Variants in PIK3AP1 observed in about 807,000 individuals in gnomAD.
PIK3AP1 encodes phosphoinositide-3-kinase adaptor protein 1.
PIK3AP1 carries 21 observed loss-of-function variants against 88.1 expected under a neutral mutation model. That is an observed-to-expected ratio of 0.24 (90% CI 0.17 to 0.34). PIK3AP1 has a LOEUF of 0.34. Among genes scored for constraint, PIK3AP1 ranks in the 10% least tolerant of loss-of-function variants. The pLI, the probability that PIK3AP1 is intolerant of heterozygous loss-of-function variation, is 1.00. For missense variants in PIK3AP1, 828 were observed against 1,035.7 expected, an observed-to-expected ratio of 0.80 and a Z score of 2.75; for synonymous variants, 398 against 400.0, an observed-to-expected ratio of 1.00 and a Z score of 0.06.
At chr10:96,597,357 T>TCCCTCC (rs201840563) in intron 16 of PIK3AP1, among the ~76,000 whole-genome samples, 168 of 6,150 alleles carry the variant, frequency 0.027, 3 homozygotes, top group Admixed American at 0.042. Flanking sequence ...CCTCCCTCCC[T>TCCCTCC]CTCTCTCTCT....
intron 4 of PIK3AP1, among the ~76,000 whole-genome samples, chr10:96,652,250 T>C (rs1489395839): frequency 1.3e-5 from 2 of 151,672 alleles, no homozygotes; most frequent in Admixed American, 6.6e-5. Context: ...ATCAAAGAAA[T>C]GCATATGAAA....
At chr10:96,717,332 C>A (rs543227565) in intron 1 of PIK3AP1, among the ~76,000 whole-genome samples, 1 of 151,856 alleles carries the variant, frequency 6.6e-6, no homozygotes, top group Non-Finnish European at 1.5e-5. Context: ...AACCACCCAG[C>A]CCAGACCATT....
At chr10:96,670,104 G>A (rs1843823149) in intron 2 of PIK3AP1, among the ~76,000 whole-genome samples, 1 of 149,454 alleles carries the variant, frequency 6.7e-6, no homozygotes. Flanking sequence ...GAACCTGGGA[G>A]GTGGAGGTTG....
chr10:96,713,872 A>C (rs1054638051), intron 1 of PIK3AP1, among the ~76,000 whole-genome samples: 21 of 152,212 alleles, frequency 1.4e-4, no homozygotes, highest in African/African-American at 4.8e-4. Flanking sequence ...CTTGCTGTTC[A>C]TTACAGACTC....
intron 16 of PIK3AP1, among the ~76,000 whole-genome samples, chr10:96,596,741 T>G (rs779190574): frequency 6.6e-6 from 1 of 152,168 alleles, no homozygotes; most frequent in Non-Finnish European, 1.5e-5. Context: ...GTGAGTCTAT[T>G]TACAGACAGG....
intron 2 of PIK3AP1, among the ~76,000 whole-genome samples, chr10:96,691,812 AT>A (rs1844158537): frequency 6.6e-6 from 1 of 152,242 alleles, no homozygotes; most frequent in Non-Finnish European, 1.5e-5. Flanking sequence ...TTATGGTAAC[AT>A]TGGGAAGGTA....
At chr10:96,662,722 T>C (rs1167480238) in intron 2 of PIK3AP1, among the ~76,000 whole-genome samples, 2 of 139,302 alleles carry the variant, frequency 1.4e-5, no homozygotes, top group African/African-American at 5.4e-5. Context: ...CTACTAAAAA[T>C]ACAAAAAAAA....
At chr10:96,599,910 C>T (rs969971853) in intron 16 of PIK3AP1, among the ~76,000 whole-genome samples, 2 of 152,186 alleles carry the variant, frequency 1.3e-5, no homozygotes, top group African/African-American at 2.4e-5. Context: ...TCTCTTTTTA[C>T]ACATTTACAT....
chr10:96,671,680 AT>A (rs1843849476), intron 2 of PIK3AP1, among the ~76,000 whole-genome samples: 1 of 152,156 alleles, frequency 6.6e-6, no homozygotes, highest in Admixed American at 6.5e-5. Context: ...CGTCATCATC[AT>A]CATCATCCTC....
chr10:96,700,823 CGA>C, intron 2 of PIK3AP1: 10 of 985,630 alleles, frequency 1.0e-5, no homozygotes, highest in Non-Finnish European at 1.1e-5. Flanking sequence ...GCCACGACAC[CGA>C]GCAGAGCGCA....
chr10:96,632,042 A>G (rs1843251324), intron 8 of PIK3AP1, among the ~76,000 whole-genome samples: 1 of 152,218 alleles, frequency 6.6e-6, no homozygotes, highest in Non-Finnish European at 1.5e-5. Context: ...CCAATTATAG[A>G]AAACATCAGA....
intron 2 of PIK3AP1, among the ~76,000 whole-genome samples, chr10:96,679,747 C>T (rs1843975401): frequency 6.6e-6 from 1 of 152,152 alleles, no homozygotes; most frequent in South Asian, 2.1e-4. Flanking sequence ...CAGGTTCTTC[C>T]CATTTCTCTA....
chr10:96,622,641 A>C (rs1186288281), intron 11 of PIK3AP1, among the ~76,000 whole-genome samples: 1 of 152,184 alleles, frequency 6.6e-6, no homozygotes, highest in African/African-American at 2.4e-5. Context: ...GGAGGAAAAA[A>C]CAAAATGCAC....
chr10:96,620,689 AG>A, intron 11 of PIK3AP1, 132 bp from the exon 12 acceptor site: 1 of 704,848 alleles, frequency 1.4e-6, no homozygotes, highest in Non-Finnish European at 2.4e-6. Context: ...GTGGCCAAGA[AG>A]GGGGAGATAC....
rs190106252 is a variant in PIK3AP1 at position 96,602,800 on chromosome 10, G to A, written c.2242-402C>T. On this transcript the variant is annotated intron_variant, in intron 15 of 16. Coordinates refer to ENST00000339364, the MANE Select transcript of PIK3AP1 (RefSeq NM_152309.3). ...GGTCCCTGGATCAAGCTAGACACAT[G>A]TCCCAAATTGGGCCAACTTGGAATG... Among the ~76,000 whole-genome samples the A allele has an allele frequency of 2.6e-3, 389 of 152,278 alleles. 1 individual carries two copies. Among genetic ancestry groups the A allele is most frequent in the Admixed American group, 3.5e-3 (54 of 15,302 alleles).
At chr10:96,702,400 G>A (rs1037371623) in intron 2 of PIK3AP1, among the ~76,000 whole-genome samples, 10 of 151,694 alleles carry the variant, frequency 6.6e-5, no homozygotes, top group Middle Eastern at 3.2e-3. Flanking sequence ...TCAGGAGGCT[G>A]AGGCAGGAGA....
intron 2 of PIK3AP1, chr10:96,700,825 A>C (rs1589546047): frequency 3.0e-6 from 3 of 985,442 alleles, no homozygotes; most frequent in Non-Finnish European, 1.2e-6. Flanking sequence ...CACGACACCG[A>C]GCAGAGCGCA....
chr10:96,668,003 A>G (rs1236350562), intron 2 of PIK3AP1, among the ~76,000 whole-genome samples: 1 of 152,184 alleles, frequency 6.6e-6, no homozygotes, highest in East Asian at 1.9e-4. Context: ...TGGTTTTTTC[A>G]TGTAGAGTGG....
intron 1 of PIK3AP1, among the ~76,000 whole-genome samples, chr10:96,713,435 C>T (rs1324109023): frequency 1.1e-4 from 16 of 140,810 alleles, no homozygotes; most frequent in Non-Finnish European, 2.0e-4. Context: ...ACCTGGGAGG[C>T]GGAGCTTGCA....
Sources: gnomAD v4.1 joint callset for allele counts (sites outside exome capture counted in the v4.1 genomes callset) on GRCh38, gnomAD v4.1.1 for gene constraint, MANE v1.5 for transcripts, NCBI Gene and HGNC (gene_info 2026-07-23, HGNC 2026-07-21) for gene names.